The following DGKI variants were observed in gnomAD, a reference collection of about 807,000 sequenced individuals.
DGKI encodes the protein diacylglycerol kinase iota.
A neutral mutation model predicts 147.5 loss-of-function variants in DGKI; 55 were observed. The observed-to-expected ratio is 0.37, with a 90% CI of 0.30 to 0.47. The LOEUF is 0.47. DGKI is among the 20% of genes least tolerant of loss of function. The pLI, the probability that DGKI is intolerant of heterozygous loss-of-function variation, is 1.00. For synonymous variants in DGKI, 469 were observed against 477.1 expected, an observed-to-expected ratio of 0.98 and a Z score of 0.22; for missense variants, 1,007 against 1,323.8, an observed-to-expected ratio of 0.76 and a Z score of 3.71.
intron 26 of DGKI, 55 bp downstream of exon 26, chr7:137,465,853 C>T (rs1413349010): frequency 6.5e-5 from 102 of 1,570,842 alleles, no homozygotes; most frequent in Non-Finnish European, 8.8e-5. Flanking sequence ...AAAGGCGAAC[C>T]AGACATGGAT....
At chr7:137,843,450 A>G in intron 1 of DGKI, 1 of 985,068 alleles carries the variant, frequency 1.0e-6, no homozygotes, top group Non-Finnish European at 1.2e-6. Flanking sequence ...TATTTGCTCT[A>G]GGGGTGCAGA....
intron 4 of DGKI, among the ~76,000 whole-genome samples, chr7:137,655,578 G>A (rs1009867862): frequency 1.3e-4 from 20 of 152,184 alleles, no homozygotes; most frequent in East Asian, 9.7e-4. Flanking sequence ...TTGACATTTC[G>A]GTTAGCTACT....
intron 21 of DGKI, among the ~76,000 whole-genome samples, chr7:137,521,636 A>T (rs1333330248): frequency 6.6e-6 from 1 of 152,096 alleles, no homozygotes; most frequent in Non-Finnish European, 1.5e-5. Flanking sequence ...AGAGATCCTG[A>T]CTTGGCATCC....
intron 20 of DGKI, among the ~76,000 whole-genome samples, chr7:137,532,935 A>C (rs1817390579): frequency 6.6e-6 from 1 of 152,150 alleles, no homozygotes; most frequent in African/African-American, 2.4e-5. Context: ...TTCATCAACA[A>C]AAATAACTTT....
intron 19 of DGKI, among the ~76,000 whole-genome samples, chr7:137,554,914 C>CTTT (rs757320303): frequency 4.6e-4 from 49 of 107,424 alleles, no homozygotes; most frequent in Non-Finnish European, 5.3e-4. Context: ...AAACTATTTT[C>CTTT]TTTTTTTTTT....
intron 13 of DGKI, among the ~76,000 whole-genome samples, chr7:137,586,861 T>C (rs1819421941): frequency 6.6e-6 from 1 of 152,188 alleles, no homozygotes; most frequent in Non-Finnish European, 1.5e-5. Flanking sequence ...CGCAGGCCTG[T>C]GTACTAACCA....
At position 137,432,703 on chromosome 7, in the gene DGKI, T is replaced by C. The variant is rs55723578; in HGVS notation, c.2761+11374A>G. 5.6e-3 allele frequency among the ~76,000 whole-genome samples: 855 copies of C among 152,260 alleles called. 11 individuals are homozygous for C. Among genetic ancestry groups the C allele is most frequent in the African/African-American group, 0.02 (821 of 41,546 alleles). On this transcript the variant is annotated intron_variant, in intron 28 of 32. Coordinates refer to ENST00000614521, the MANE Select transcript of DGKI (RefSeq NM_001321708.2). ...GCATGTAGAACCAGGATGTGAAATA[T>C]TTATGAGATATGAGAAAGCCTGTCT...
intron 1 of DGKI, among the ~76,000 whole-genome samples, chr7:137,715,107 C>T (rs1794337372): frequency 6.6e-6 from 1 of 152,230 alleles, no homozygotes; most frequent in Non-Finnish European, 1.5e-5. Flanking sequence ...CTCTTTTCTA[C>T]ATCTTGCTTT....
intron 1 of DGKI, among the ~76,000 whole-genome samples, chr7:137,819,109 C>A (rs1356028955): frequency 6.6e-6 from 1 of 152,104 alleles, no homozygotes; most frequent in Non-Finnish European, 1.5e-5. Flanking sequence ...ACAAGACTTG[C>A]ATATTTAAAC....
intron 1 of DGKI, among the ~76,000 whole-genome samples, chr7:137,788,059 A>G (rs1167679063): frequency 6.6e-6 from 1 of 152,174 alleles, no homozygotes; most frequent in African/African-American, 2.4e-5. Context: ...AAAAATTATA[A>G]AAATATTTTG....
intron 1 of DGKI, among the ~76,000 whole-genome samples, chr7:137,824,929 T>C (rs960847294): frequency 6.6e-6 from 1 of 152,240 alleles, no homozygotes; most frequent in Non-Finnish European, 1.5e-5. Context: ...ATGGTGTATA[T>C]GCACCACATG....
Position 137,385,104 on chromosome 7 carries a change from A to G in DGKI, c.*6116T>C, listed in dbSNP as rs1431413148. 1 of 152,070 alleles carries G rather than the reference A, an allele frequency of 6.6e-6. No individual in the cohort carries two copies. Among genetic ancestry groups the G allele is most frequent in the African/African-American group, 2.4e-5 (1 of 41,418 alleles). 9.4% of individuals were successfully genotyped at this position (152,070 alleles called of 1,614,324 possible). ...CACAGCACTTTTTTATATTGGATGG[A>G]CAGTAAGACAGATTTCTAATAGAAT... On this transcript the variant is annotated 3_prime_UTR_variant, in exon 33 of 33. Transcript: ENST00000614521.
At chr7:137,702,633 A>C (rs915780311) in intron 1 of DGKI, among the ~76,000 whole-genome samples, 11 of 152,192 alleles carry the variant, frequency 7.2e-5, no homozygotes, top group Non-Finnish European at 1.3e-4. Context: ...TCAGCTCCAT[A>C]GTAGCACTGA....
At chr7:137,723,201 C>T (rs554883281) in intron 1 of DGKI, among the ~76,000 whole-genome samples, 1 of 152,124 alleles carries the variant, frequency 6.6e-6, no homozygotes, top group African/African-American at 2.4e-5. Flanking sequence ...GGTTCCTTTG[C>T]CATAGTAACT....
rs142812373 is a variant in DGKI at position 137,518,727 on chromosome 7, T to A, written c.2248+3139A>T. On this transcript the variant is annotated intron_variant, in intron 21 of 32. Transcript: ENST00000614521. ...TAACCAGTTTGCATGGGAACAGAGT[T>A]AAATTTGGGGGAATATCAAGTTATC... 2.6e-3 allele frequency among the ~76,000 whole-genome samples: 393 copies of A among 152,146 alleles called. 10 individuals are homozygous for A. Among genetic ancestry groups the A allele is most frequent in the Admixed American group, 0.023 (353 of 15,230 alleles).
intron 17 of DGKI, among the ~76,000 whole-genome samples, chr7:137,575,185 C>T (rs1188128796): frequency 6.6e-6 from 1 of 152,158 alleles, no homozygotes; most frequent in Non-Finnish European, 1.5e-5. Context: ...AAAGGTAGAC[C>T]TAACTAAATC....
chr7:137,611,299 A>G (rs1820355094), intron 8 of DGKI, among the ~76,000 whole-genome samples: 1 of 152,190 alleles, frequency 6.6e-6, no homozygotes. Flanking sequence ...AATGCTTCTC[A>G]ACCATCTCTA....
intron 1 of DGKI, among the ~76,000 whole-genome samples, chr7:137,836,285 A>C (rs1656611303): frequency 6.6e-6 from 1 of 152,230 alleles, no homozygotes; most frequent in Admixed American, 6.5e-5. Flanking sequence ...CAAATGAGAA[A>C]GAATGACTCA....
At chr7:137,694,668 T>G (rs1421224528) in intron 1 of DGKI, among the ~76,000 whole-genome samples, 1 of 152,258 alleles carries the variant, frequency 6.6e-6, no homozygotes, top group Non-Finnish European at 1.5e-5. Context: ...ACTCAGTGTC[T>G]TGGTTTGATT....
Sources: gnomAD v4.1 joint callset for allele counts (sites outside exome capture counted in the v4.1 genomes callset) on GRCh38, gnomAD v4.1.1 for gene constraint, MANE v1.5 for transcripts, NCBI Gene and HGNC (gene_info 2026-07-23, HGNC 2026-07-21) for gene names.